Variants in CFAP47 observed in about 807,000 individuals in gnomAD.
CFAP47 encodes cilia- and flagella-associated protein 47.
A neutral mutation model predicts 148.1 loss-of-function variants in CFAP47; 29 were observed. That is an observed-to-expected ratio of 0.20 (90% CI 0.15 to 0.27). The LOEUF (loss-of-function observed/expected upper bound fraction) is 0.27, where lower values mean the gene tolerates loss of function less well. Ranked by LOEUF, CFAP47 falls within the 10% of genes least tolerant of loss-of-function variation. The pLI, the probability that CFAP47 is intolerant of heterozygous loss-of-function variation, is 1.00. For missense variants in CFAP47, 1,872 were observed against 1,697.5 expected, an observed-to-expected ratio of 1.10 and a Z score of -1.81; for synonymous variants, 664 against 577.3, an observed-to-expected ratio of 1.15 and a Z score of -2.15.
At chrX:36,347,615 T>C (rs879979223) in intron 57 of CFAP47, among the ~76,000 whole-genome samples, 2 of 111,331 alleles carry the variant, frequency 1.8e-5, no homozygotes, top group Admixed American at 1.9e-4. Context: ...AAAGGATGAG[T>C]TCATGTCCTT....
At chrX:36,199,731 G>A (rs989676048) in intron 42 of CFAP47, among the ~76,000 whole-genome samples, 1 of 111,317 alleles carries the variant, frequency 9.0e-6, no homozygotes, top group Admixed American at 9.6e-5. Flanking sequence ...GCATTTTATG[G>A]CTACTTGGCT....
At chrX:36,310,724 A>C (rs1421607820) in intron 55 of CFAP47, 109 bp from the exon 56 acceptor site, 2 of 391,741 alleles carry the variant, frequency 5.1e-6, no homozygotes, top group Non-Finnish European at 8.2e-6. Context: ...TTTAACAACA[A>C]AACTTTTCTT....
At position 36,332,140 on chromosome X, in the gene CFAP47, A is replaced by G. The variant is rs782263044; in HGVS notation, c.8443+12833A>G. On this transcript the variant is annotated intron_variant, in intron 57 of 63. Transcript: ENST00000378653. ...TATTCAACCAGTAAGGTTAATTAAA[A>G]TATTTGATTACTTCCAACCTTTATT... 5.2e-4 allele frequency among the ~76,000 whole-genome samples: 58 copies of G among 112,036 alleles called. 1 individual carries two copies. Among genetic ancestry groups the G allele is most frequent in the Non-Finnish European group, 8.3e-4 (44 of 53,143 alleles).
At chrX:35,961,702 G>A (rs747650702) in intron 8 of CFAP47, among the ~76,000 whole-genome samples, 1 of 110,946 alleles carries the variant, frequency 9.0e-6, no homozygotes, top group African/African-American at 3.3e-5. Context: ...AGCAAAGTTA[G>A]TCATCTCTTT....
chrX:36,178,546 A>G (rs1939714307), intron 39 of CFAP47, among the ~76,000 whole-genome samples: 1 of 111,307 alleles, frequency 9.0e-6, no homozygotes. Flanking sequence ...TCAAAAAGCT[A>G]GCATTTTGGG....
intron 8 of CFAP47, among the ~76,000 whole-genome samples, chrX:35,963,775 G>A (rs1282278742): frequency 9.0e-6 from 1 of 111,073 alleles, no homozygotes; most frequent in Non-Finnish European, 1.9e-5. Flanking sequence ...TTTGGGTTAC[G>A]TTTAACATCT....
Position 36,104,659 on chromosome X carries a change from C to A in CFAP47, c.5288C>A (p.Thr1763Asn). ...LSWMNINYEN[T>N]RHVIWKNCHK... is the part of the protein sequence containing the mutation. ...TGGATGAACATAAATTATGAGAATA[C>A]TCGACATGTGATATGGAAAAACTGT... Residue 1763 changes from threonine to asparagine, a missense_variant, in exon 33 of 64, where the codon ACT (threonine) becomes AAT (asparagine). Transcript: ENST00000378653. 1.1e-6 allele frequency: 1 copy of A among 903,131 alleles called. No individual in the cohort carries two copies. Among genetic ancestry groups the A allele is most frequent in the South Asian group, 2.4e-5 (1 of 41,573 alleles). 74.4% of individuals were successfully genotyped at this position (903,131 alleles called of 1,213,427 possible).
chrX:36,367,260 G>A, intron 62 of CFAP47, 133 bp downstream of exon 62: 2 of 393,956 alleles, frequency 5.1e-6, no homozygotes, highest in Non-Finnish European at 8.3e-6. Flanking sequence ...CTGACTCAAA[G>A]CTTCATATAC....
intron 45 of CFAP47, among the ~76,000 whole-genome samples, chrX:36,216,940 G>A (rs1940164554): frequency 1.2e-5 from 1 of 82,737 alleles, no homozygotes; most frequent in Non-Finnish European, 2.1e-5. Context: ...CTAATCTTTT[G>A]TCTAATGTAT....
chrX:36,148,897 A>ATGTGTG (rs1222257025), intron 36 of CFAP47, among the ~76,000 whole-genome samples: 8 of 76,410 alleles, frequency 1.0e-4, no homozygotes, highest in African/African-American at 7.6e-4. Flanking sequence ...GCTAAACTGT[A>ATGTGTG]TGTATGTGTG....
At chrX:36,069,557 G>A (rs1356713897) in intron 27 of CFAP47, among the ~76,000 whole-genome samples, 1 of 111,468 alleles carries the variant, frequency 9.0e-6, no homozygotes, top group Non-Finnish European at 1.9e-5. Context: ...AACATCTTTA[G>A]AAATATATAT....
At chrX:36,234,514 G>A (rs915036538) in intron 46 of CFAP47, among the ~76,000 whole-genome samples, 4 of 111,301 alleles carry the variant, frequency 3.6e-5, no homozygotes, top group African/African-American at 1.3e-4. Flanking sequence ...TTTTACATTC[G>A]TTTAAATTTT....
intron 8 of CFAP47, among the ~76,000 whole-genome samples, chrX:35,964,830 A>G (rs1936379565): frequency 9.0e-6 from 1 of 111,538 alleles, no homozygotes; most frequent in Non-Finnish European, 1.9e-5. Context: ...TCCACACTTT[A>G]TTGAAATTGT....
At chrX:36,248,496 T>TCACACA (rs60595897) in intron 48 of CFAP47, among the ~76,000 whole-genome samples, 3,146 of 95,373 alleles carry the variant, frequency 0.033, 142 homozygotes, top group African/African-American at 0.11. Flanking sequence ...ACATATTATA[T>TCACACA]CACACACACA....
chrX:35,998,478 A>C (rs2146689939), intron 19 of CFAP47, among the ~76,000 whole-genome samples: 1 of 111,283 alleles, frequency 9.0e-6, no homozygotes. Flanking sequence ...TTGTCATATT[A>C]TTTTGGGGCT....
At chrX:36,287,618 A>G (rs782765063) in intron 51 of CFAP47, among the ~76,000 whole-genome samples, 3 of 111,472 alleles carry the variant, frequency 2.7e-5, no homozygotes, top group Non-Finnish European at 5.7e-5. Flanking sequence ...CCTTGTTACC[A>G]TAGGCAGGTT....
chrX:36,003,606 G>A (rs1936941883), intron 21 of CFAP47, among the ~76,000 whole-genome samples: 1 of 109,829 alleles, frequency 9.1e-6, no homozygotes, highest in African/African-American at 3.3e-5. Flanking sequence ...TTTAAACTAG[G>A]TATTGAAGGA....
chrX:36,348,134 G>A lies in CFAP47; in HGVS notation c.8449G>A (p.Ala2817Thr), dbSNP rs1941713792. 2 of 1,003,814 alleles carry A rather than the reference G, an allele frequency of 2.0e-6. No homozygotes were observed. The highest frequency in any genetic ancestry group is 2.6e-6 in the Non-Finnish European group (2 of 773,961). 82.7% of individuals were successfully genotyped at this position (1,003,814 alleles called of 1,213,427 possible). ...FSSPSEIQGI[A>T]LPPKGNIDIS... Reference sequence around the variant, plus strand: ...TATTTTTGTGTGTTTTACAGGAATTGCACTGCCTCCTAAAGGAAATATAGA... The same window carrying A: ...TATTTTTGTGTGTTTTACAGGAATTACACTGCCTCCTAAAGGAAATATAGA... The change falls in exon 58 of 64, where the codon GCA becomes ACA. Residue 2817 changes from alanine to threonine, a missense_variant. Physicochemically the swap from Ala to Thr is moderately conservative, Grantham distance 58 (BLOSUM62 0). Coordinates refer to ENST00000378653, the MANE Select transcript of CFAP47 (RefSeq NM_001304548.2).
intron 49 of CFAP47, among the ~76,000 whole-genome samples, chrX:36,261,320 C>CTTTTTTTTTTTTTTTTTTT (rs143068749): frequency 4.9e-5 from 1 of 20,450 alleles, no homozygotes; most frequent in Non-Finnish European, 8.3e-5. Context: ...AGATACTATT[C>CTTTTTTTTTTTTTTTTTTT]TTTTTTTTTT....
Sources: allele counts gnomAD v4.1 joint callset (sites outside exome capture counted in the v4.1 genomes callset), GRCh38; gene constraint gnomAD v4.1.1; transcripts MANE v1.5; gene names NCBI Gene and HGNC (gene_info 2026-07-23, HGNC 2026-07-21).